Variants in CACNA2D3 observed in about 807,000 individuals in gnomAD.
CACNA2D3 encodes the protein voltage-dependent calcium channel subunit alpha-2/delta-3.
In CACNA2D3, 60 loss-of-function variants were observed where a neutral mutation model predicts 160.6. The observed-to-expected ratio is 0.37, with a 90% CI of 0.30 to 0.46. CACNA2D3 has a LOEUF of 0.46. CACNA2D3 is among the 20% of genes least tolerant of loss of function. The pLI, the probability that CACNA2D3 is intolerant of heterozygous loss-of-function variation, is 1.00. For synonymous variants in CACNA2D3, 558 were observed against 492.9 expected, an observed-to-expected ratio of 1.13 and a Z score of -1.75; for missense variants, 1,205 against 1,365.0, an observed-to-expected ratio of 0.88 and a Z score of 1.85.
At chr3:54,577,714 T>C (rs1217370880) in intron 8 of CACNA2D3, among the ~76,000 whole-genome samples, 3 of 152,244 alleles carry the variant, frequency 2.0e-5, no homozygotes, top group Admixed American at 2.0e-4. Flanking sequence ...TGTTGACTTA[T>C]TTCATCCTCA....
intron 2 of CACNA2D3, among the ~76,000 whole-genome samples, chr3:54,206,349 C>T (rs1448888580): frequency 6.6e-6 from 1 of 152,042 alleles, no homozygotes; most frequent in Non-Finnish European, 1.5e-5. Flanking sequence ...AGGTTTAACC[C>T]AGGGGAAAAT....
At chr3:54,470,160 A>G (rs1206398869) in intron 4 of CACNA2D3, among the ~76,000 whole-genome samples, 1 of 152,226 alleles carries the variant, frequency 6.6e-6, no homozygotes, top group African/African-American at 2.4e-5. Context: ...TGAAGGAAAA[A>G]ATGTTAAGGG....
intron 14 of CACNA2D3, among the ~76,000 whole-genome samples, chr3:54,832,408 C>G (rs1327889744): frequency 6.6e-6 from 1 of 152,090 alleles, no homozygotes; most frequent in African/African-American, 2.4e-5. Flanking sequence ...GAGGACTTTC[C>G]TAAAGGAAGT....
intron 13 of CACNA2D3, among the ~76,000 whole-genome samples, chr3:54,806,350 C>T (rs1703122848): frequency 2.0e-5 from 3 of 152,116 alleles, no homozygotes; most frequent in African/African-American, 7.2e-5. Flanking sequence ...GCAACTTCAG[C>T]AAAGTCTCAG....
At chr3:54,800,020 A>T (rs1454964430) in intron 13 of CACNA2D3, among the ~76,000 whole-genome samples, 3 of 152,158 alleles carry the variant, frequency 2.0e-5, no homozygotes, top group East Asian at 3.9e-4. Context: ...ATTATGAAAC[A>T]TTTTTTTGCA....
At chr3:54,337,775 C>G (rs927650046) in intron 3 of CACNA2D3, among the ~76,000 whole-genome samples, 1 of 152,170 alleles carries the variant, frequency 6.6e-6, no homozygotes, top group Non-Finnish European at 1.5e-5. Flanking sequence ...TCCTTTCTTC[C>G]AATAGGTGGC....
chr3:54,807,828 G>A (rs886945120), intron 13 of CACNA2D3, among the ~76,000 whole-genome samples: 1 of 151,082 alleles, frequency 6.6e-6, no homozygotes, highest in South Asian at 2.1e-4. Context: ...ATGATAGACT[G>A]GATTAAGAAA....
At chr3:54,333,679 G>C (rs891328198) in intron 3 of CACNA2D3, among the ~76,000 whole-genome samples, 2 of 151,898 alleles carry the variant, frequency 1.3e-5, no homozygotes, top group Admixed American at 6.6e-5. Context: ...TGTGCTGGGA[G>C]AAAGCCCGAG....
At chr3:54,401,730 C>T (rs980276370) in intron 4 of CACNA2D3, among the ~76,000 whole-genome samples, 9 of 152,122 alleles carry the variant, frequency 5.9e-5, no homozygotes, top group Non-Finnish European at 1.2e-4. Context: ...CACCACTAAA[C>T]CCGTCTTAGA....
chr3:54,987,568 A>G (rs1702642874), intron 30 of CACNA2D3, 115 bp from the exon 31 acceptor site: 2 of 609,780 alleles, frequency 3.3e-6, no homozygotes, highest in African/African-American at 1.9e-5. Flanking sequence ...TTTCCTGAAA[A>G]CCTGCCTTTT....
chr3:54,449,157 C>T (rs770593839), intron 4 of CACNA2D3, among the ~76,000 whole-genome samples: 32 of 152,168 alleles, frequency 2.1e-4, no homozygotes, highest in Non-Finnish European at 2.9e-4. Context: ...AGAATCAATA[C>T]GTGTTCTGCT....
intron 11 of CACNA2D3, among the ~76,000 whole-genome samples, chr3:54,735,033 C>T (rs1701468919): frequency 6.6e-6 from 1 of 152,192 alleles, no homozygotes; most frequent in African/African-American, 2.4e-5. Flanking sequence ...AGCGTGGAGA[C>T]AGGAAGCACA....
At chr3:54,383,241 G>A (rs953938551) in intron 3 of CACNA2D3, among the ~76,000 whole-genome samples, 1 of 152,108 alleles carries the variant, frequency 6.6e-6, no homozygotes, top group Non-Finnish European at 1.5e-5. Flanking sequence ...ACTGTCCTTT[G>A]TTCTTTCCAC....
intron 3 of CACNA2D3, among the ~76,000 whole-genome samples, chr3:54,380,390 AT>A (rs1699080890): frequency 1.3e-5 from 2 of 152,342 alleles, no homozygotes; most frequent in African/African-American, 4.8e-5. Context: ...CTAGGATCGC[AT>A]TAGTCCCAGG....
chr3:54,789,455 C>G (rs536323779), intron 13 of CACNA2D3, among the ~76,000 whole-genome samples: 7 of 152,128 alleles, frequency 4.6e-5, no homozygotes, highest in African/African-American at 1.7e-4. Context: ...TTCCTGACAC[C>G]GTAAAGGTAT....
intron 5 of CACNA2D3, among the ~76,000 whole-genome samples, chr3:54,560,641 A>T (rs1309653612): frequency 6.6e-6 from 1 of 152,040 alleles, no homozygotes; most frequent in African/African-American, 2.4e-5. Flanking sequence ...TTGTCATGAA[A>T]TATTTGCCTG....
intron 8 of CACNA2D3, among the ~76,000 whole-genome samples, chr3:54,576,577 G>A (rs1456506457): frequency 6.6e-6 from 1 of 152,206 alleles, no homozygotes; most frequent in Non-Finnish European, 1.5e-5. Context: ...CCTTCAGGGC[G>A]GAGAGTTTGG....
chr3:54,213,414 G>A (rs1042318418), intron 2 of CACNA2D3, among the ~76,000 whole-genome samples: 4 of 152,130 alleles, frequency 2.6e-5, no homozygotes, highest in African/African-American at 7.2e-5. Context: ...CTTAACCCCC[G>A]GGGAACATCG....
chr3:54,541,052 C>T (rs1254644295), intron 5 of CACNA2D3, among the ~76,000 whole-genome samples: 1 of 151,802 alleles, frequency 6.6e-6, no homozygotes, highest in East Asian at 1.9e-4. Context: ...CCAAGGTGGG[C>T]AGATCACGAG....
Sources: gnomAD v4.1 joint callset for allele counts (sites outside exome capture counted in the v4.1 genomes callset) on GRCh38, gnomAD v4.1.1 for gene constraint, MANE v1.5 for transcripts, NCBI Gene and HGNC (gene_info 2026-07-23, HGNC 2026-07-21) for gene names.